CTNNA2: variants seen among roughly 807,000 people sequenced by gnomAD.
CTNNA2 encodes the protein catenin alpha-2.
CTNNA2 carries 42 observed loss-of-function variants against 101.0 expected under a neutral mutation model. The ratio of observed to expected loss-of-function variants is 0.42; its 90% CI spans 0.32 to 0.54. The LOEUF (loss-of-function observed/expected upper bound fraction) is 0.54. Among genes scored for constraint, CTNNA2 ranks in the 20% least tolerant of loss-of-function variants. CTNNA2 has a pLI of 0.14. For missense variants in CTNNA2, 871 were observed against 1,223.1 expected, an observed-to-expected ratio of 0.71 and a Z score of 4.29; for synonymous variants, 450 against 456.4, an observed-to-expected ratio of 0.99 and a Z score of 0.18.
intron 7 of CTNNA2, among the ~76,000 whole-genome samples, chr2:79,952,502 T>G (rs1688956366): frequency 6.6e-6 from 1 of 152,210 alleles, no homozygotes; most frequent in Non-Finnish European, 1.5e-5. Context: ...GGGGTGAATT[T>G]CATGTCATAT....
chr2:80,178,261 A>C (rs1468618354), intron 7 of CTNNA2, among the ~76,000 whole-genome samples: 1 of 152,178 alleles, frequency 6.6e-6, no homozygotes, highest in Admixed American at 6.5e-5. Flanking sequence ...GGTGCTGTAC[A>C]TTCCCCCACT....
chr2:79,193,219 T>G (rs1673897694), intron 1 of CTNNA2, among the ~76,000 whole-genome samples: 1 of 152,208 alleles, frequency 6.6e-6, no homozygotes, highest in South Asian at 2.1e-4. Flanking sequence ...TGGGTGGAAA[T>G]TTCAGTGTTT....
chr2:80,193,913 C>T (rs2149002519), intron 7 of CTNNA2, among the ~76,000 whole-genome samples: 1 of 152,238 alleles, frequency 6.6e-6, no homozygotes, highest in Non-Finnish European at 1.5e-5. Context: ...GCATATCTTG[C>T]CTGTAAAACA....
intron 7 of CTNNA2, among the ~76,000 whole-genome samples, chr2:80,082,203 G>C (rs1041977315): frequency 4.6e-5 from 7 of 152,054 alleles, no homozygotes; most frequent in African/African-American, 1.7e-4. Flanking sequence ...GAGAATTAAT[G>C]GGATTTCTTT....
At position 80,236,491 on chromosome 2, in the gene CTNNA2, G is replaced by C. The variant is rs1369707404; in HGVS notation, c.1057-156720G>C. The stretch of plus-strand genomic sequence containing the variant: ...TGTTACTTAGCCTTTTTTCCATCTT[G>C]TGCCTTCTCATTACTTAGTGCCTTG... On this transcript the variant is annotated intron_variant, in intron 7 of 18. Transcript: ENST00000402739. 3.9e-5 allele frequency among the ~76,000 whole-genome samples: 6 copies of C among 152,190 alleles called. No homozygotes were observed. In the East Asian group the frequency reaches 1.2e-3, roughly 29 times the overall value.
At chr2:79,948,045 C>T (rs1383744964) in intron 7 of CTNNA2, among the ~76,000 whole-genome samples, 1 of 152,170 alleles carries the variant, frequency 6.6e-6, no homozygotes, top group Non-Finnish European at 1.5e-5. Flanking sequence ...TGTCTGCAGT[C>T]CCCTCATCAC....
intron 4 of CTNNA2, among the ~76,000 whole-genome samples, chr2:79,389,520 A>T (rs995700904): frequency 6.6e-6 from 1 of 152,224 alleles, no homozygotes; most frequent in African/African-American, 2.4e-5. Flanking sequence ...CCGAATCAGT[A>T]TATGTTTTGT....
At chr2:80,371,660 G>T (rs899089422) in intron 7 of CTNNA2, among the ~76,000 whole-genome samples, 3 of 151,894 alleles carry the variant, frequency 2.0e-5, no homozygotes, top group Non-Finnish European at 4.4e-5. Context: ...AGTGGTCAAT[G>T]TTATTGAATA....
intron 2 of CTNNA2, among the ~76,000 whole-genome samples, chr2:79,225,443 T>A (rs549424342): frequency 6.6e-6 from 1 of 152,194 alleles, no homozygotes; most frequent in African/African-American, 2.4e-5. Context: ...TCTAAAAATA[T>A]GCTTGAGTGT....
upstream of CTNNA2, among the ~76,000 whole-genome samples, chr2:79,508,973 A>G (rs1351270863): frequency 3.4e-5 from 1 of 29,742 alleles, no homozygotes; most frequent in Non-Finnish European, 6.5e-5. Context: ...ATATATATAT[A>G]TATATATATA....
chr2:79,680,251 ATT>A (rs1165941209), intron 2 of CTNNA2, among the ~76,000 whole-genome samples: 1 of 151,934 alleles, frequency 6.6e-6, no homozygotes, highest in Non-Finnish European at 1.5e-5. Flanking sequence ...CTTCATGAAT[ATT>A]TATAATATAG....
intron 9 of CTNNA2, among the ~76,000 whole-genome samples, chr2:80,519,809 A>G (rs1434072): frequency 0.058 from 8,796 of 152,246 alleles, 343 homozygotes; most frequent in African/African-American, 0.11. Context: ...TATTGAAATA[A>G]CTAAGTCCTA....
chr2:80,209,312 C>A (rs1416304393), intron 7 of CTNNA2, among the ~76,000 whole-genome samples: 3 of 151,490 alleles, frequency 2.0e-5, no homozygotes, highest in Non-Finnish European at 2.9e-5. Flanking sequence ...AGCGACTCTT[C>A]TGCCTCAGCC....
intron 1 of CTNNA2, among the ~76,000 whole-genome samples, chr2:79,648,352 A>G (rs1055909960): frequency 6.6e-6 from 1 of 152,164 alleles, no homozygotes; most frequent in Admixed American, 6.5e-5. Flanking sequence ...TCTGGAGGCA[A>G]AGATCATTAA....
intron 9 of CTNNA2, among the ~76,000 whole-genome samples, chr2:80,541,190 A>C (rs1691524742): frequency 6.6e-6 from 1 of 152,234 alleles, no homozygotes; most frequent in Non-Finnish European, 1.5e-5. Context: ...AACTTAAAAT[A>C]TGTAAGCCTG....
chr2:80,132,613 C>G (rs998901596), intron 7 of CTNNA2, among the ~76,000 whole-genome samples: 4 of 152,054 alleles, frequency 2.6e-5, no homozygotes, highest in Admixed American at 6.6e-5. Flanking sequence ...AGCCCAAATA[C>G]TCAGCAGTGA....
chr2:79,346,118 A>T (rs1372041879), intron 3 of CTNNA2, among the ~76,000 whole-genome samples: 2 of 152,180 alleles, frequency 1.3e-5, no homozygotes, highest in Non-Finnish European at 2.9e-5. Context: ...ATCAGAAATA[A>T]AGTGACAGTA....
chr2:79,821,775 A>G (rs1678026960), intron 3 of CTNNA2, among the ~76,000 whole-genome samples: 1 of 152,174 alleles, frequency 6.6e-6, no homozygotes, highest in Non-Finnish European at 1.5e-5. Flanking sequence ...TATAGAACAT[A>G]TGGAACAAGA....
chr2:79,589,339 A>C (rs563554790), intron 1 of CTNNA2, among the ~76,000 whole-genome samples: 1 of 152,286 alleles, frequency 6.6e-6, no homozygotes, highest in African/African-American at 2.4e-5. Context: ...GAAATTACTT[A>C]TCTTTTCTAT....
Sources: allele counts gnomAD v4.1 joint callset (sites outside exome capture counted in the v4.1 genomes callset), GRCh38; gene constraint gnomAD v4.1.1; transcripts MANE v1.5; gene names NCBI Gene and HGNC (gene_info 2026-07-23, HGNC 2026-07-21).